Variants in PFKFB3 observed in about 807,000 individuals in gnomAD.
PFKFB3 encodes the protein 6-phosphofructo-2-kinase/fructose-2,6-bisphosphatase 3.
PFKFB3 carries 33 observed loss-of-function variants against 68.0 expected under a neutral mutation model. The ratio of observed to expected loss-of-function variants is 0.49; its 90% confidence interval spans 0.37 to 0.65. The LOEUF (loss-of-function observed/expected upper bound fraction) is 0.65. Among genes scored for constraint, PFKFB3 ranks in the 30% least tolerant of loss-of-function variants. The probability of loss-of-function intolerance (pLI) is 0.00; values close to 1 mark genes in which losing one functional copy is unlikely to be tolerated. For missense variants in PFKFB3, 586 were observed against 712.2 expected (o/e 0.82, Z 2.02); for synonymous variants, 315 against 288.2 (o/e 1.09, Z -0.94).
chr10:6,247,004 A>G (rs769948567), intron 14 of PFKFB3, among the ~76,000 whole-genome samples: 7 of 152,366 alleles, frequency 4.6e-5, no homozygotes, highest in Non-Finnish European at 1.0e-4. Flanking sequence ...AGACCCGGAC[A>G]TGCAACAAGT....
At chr10:6,237,101 C>T (rs910933262), downstream of PFKFB3, among the ~76,000 whole-genome samples, 2 of 152,250 alleles carry the variant, frequency 1.3e-5, no homozygotes, top group Non-Finnish European at 2.9e-5. Flanking sequence ...CCGCTCCCTC[C>T]CCTGGGAGGT....
chr10:6,311,327 C>A, the PFKFB3 span, among the ~76,000 whole-genome samples: 7 of 152,330 alleles, frequency 4.6e-5, no homozygotes, highest in East Asian at 1.2e-3. Flanking sequence ...ACCAAAAGCA[C>A]TCCTCTGATC....
At chr10:6,179,528 C>G (rs548712544) in intron 1 of PFKFB3, among the ~76,000 whole-genome samples, 1 of 152,126 alleles carries the variant, frequency 6.6e-6, no homozygotes, top group African/African-American at 2.4e-5. Flanking sequence ...CCTAGCGAGC[C>G]CCCCGGGAAT....
the PFKFB3 span, among the ~76,000 whole-genome samples, chr10:6,311,582 A>G: frequency 1.3e-5 from 2 of 151,804 alleles, no homozygotes; most frequent in Non-Finnish European, 2.9e-5. Flanking sequence ...AACCCCGTCT[A>G]TACTAAAAAT....
chr10:6,313,581 CG>C, the PFKFB3 span, among the ~76,000 whole-genome samples: 1 of 152,206 alleles, frequency 6.6e-6, no homozygotes, highest in Non-Finnish European at 1.5e-5. This position sits in a 1 kb window ranked among gnomAD's most constrained non-coding sequence, Gnocchi z 4.2. Context: ...CCTAAATGAT[CG>C]GTTTTAATTT....
intron 1 of PFKFB3, among the ~76,000 whole-genome samples, chr10:6,206,429 G>A (rs1231707919): frequency 9.5e-6 from 1 of 104,800 alleles, no homozygotes; most frequent in African/African-American, 3.8e-5. Flanking sequence ...CCACAAAACC[G>A]CCATTGTCGT....
Position 6,146,437 on chromosome 10 carries a change from T to A in PFKFB3, c.16+1424T>A, listed in dbSNP as rs1437040121. ...CAGCAAGCAGGGGCTCTGCCACTCC[T>A]CTGTCAGCTGGACACGTTTAGTCCC... is the stretch of plus-strand genomic sequence containing the variant. On this transcript the variant is annotated intron_variant, in intron 1 of 14. Transcript: ENST00000379789. The A allele has an allele frequency of 2.6e-6, 4 of 1,535,522 alleles. No individual in the cohort carries two copies. In the Admixed American group the frequency reaches 5.9e-5, roughly 23 times the overall value.
intron 13 of PFKFB3, 151 bp from the exon 14 acceptor site, chr10:6,226,041 C>T (rs1845324553): frequency 1.5e-6 from 1 of 651,516 alleles, no homozygotes; most frequent in Non-Finnish European, 2.7e-6. Context: ...ACTCAGCAGC[C>T]CATGGTCCCT....
At chr10:6,301,924 T>TC in the PFKFB3 span, among the ~76,000 whole-genome samples, 4 of 152,198 alleles carry the variant, frequency 2.6e-5, no homozygotes, top group African/African-American at 9.7e-5. Flanking sequence ...CCTCGTAAGT[T>TC]CCCCACCACA....
chr10:6,311,020 A>G, the PFKFB3 span, among the ~76,000 whole-genome samples: 1 of 152,186 alleles, frequency 6.6e-6, no homozygotes, highest in African/African-American at 2.4e-5. Context: ...AACCCATGGA[A>G]TTTCATCTTC....
At position 6,229,161 on chromosome 10, in the gene PFKFB3, T is replaced by G; in HGVS notation, c.1515+2796T>G. 1 of 529,404 alleles carries G rather than the reference T, an allele frequency of 1.9e-6. No homozygotes were observed. 32.8% of individuals were successfully genotyped at this position (529,404 alleles called of 1,614,324 possible). A position where few individuals can be genotyped will look rare whatever the true frequency, so the allele number is the denominator to read the frequency against. On this transcript the variant is annotated intron_variant, in intron 14 of 14. Coordinates refer to ENST00000379775, the MANE Select transcript of PFKFB3 (RefSeq NM_004566.4). The surrounding 1 kb of genome is among the most constrained non-coding windows in gnomAD (Gnocchi z 4.3). ...AGCCTGAGATGCTGAAAAGAATGACTGGCTTTGGAAATGGGAGAGGTTTGG... is the reference window on the plus strand; with the variant it reads ...AGCCTGAGATGCTGAAAAGAATGACGGGCTTTGGAAATGGGAGAGGTTTGG...
intron 1 of PFKFB3, among the ~76,000 whole-genome samples, chr10:6,168,385 T>C (rs1842202480): frequency 6.6e-6 from 1 of 152,192 alleles, no homozygotes; most frequent in African/African-American, 2.4e-5. Flanking sequence ...CCTTCCTGGG[T>C]TCTGATGCCA....
downstream of PFKFB3, among the ~76,000 whole-genome samples, chr10:6,238,500 AAAG>A (rs1333152808): frequency 6.6e-6 from 1 of 151,118 alleles, no homozygotes; most frequent in Non-Finnish European, 1.5e-5. Flanking sequence ...AAAAAAAAAA[AAAG>A]ATGTGAAGGA....
chr10:6,226,385 C>T lies in PFKFB3; in HGVS notation c.1515+20C>T. ...GGACAAGTCAGTGCACTCCCCTTTC[C>T]TTCCTGCCTGGGGGACGCATGCCGG... On this transcript the variant is annotated intron_variant, in intron 14 of 14. Transcript: ENST00000379775. 6.3e-7 allele frequency: 1 copy of T among 1,586,338 alleles called. No individual in the cohort carries two copies. The highest frequency in any genetic ancestry group is 8.6e-7 in the Non-Finnish European group (1 of 1,166,884).
rs1365140568 is a variant in PFKFB3 at position 6,178,657 on chromosome 10, G to C, written c.16+33644G>C. 7.2e-5 allele frequency among the ~76,000 whole-genome samples: 11 copies of C among 152,338 alleles called. No individual in the cohort carries two copies. In the South Asian group the frequency reaches 1.9e-3, roughly 26 times the overall value. ...GTGGAGATGACTGGGGAGCAGCTGGGCGTTATTTTCCCCGGGGCCAGGGTG... is the reference window on the plus strand; with the variant it reads ...GTGGAGATGACTGGGGAGCAGCTGGCCGTTATTTTCCCCGGGGCCAGGGTG... On this transcript the variant is annotated intron_variant, in intron 1 of 14. Coordinates refer to the PFKFB3 transcript ENST00000379789.
At chr10:6,218,577 C>T (rs540083616) in intron 6 of PFKFB3, among the ~76,000 whole-genome samples, 16 of 151,988 alleles carry the variant, frequency 1.1e-4, no homozygotes, top group Admixed American at 3.3e-4. Flanking sequence ...TACAGGTGTG[C>T]GCCACCACGC....
chr10:6,154,135 G>C lies in PFKFB3; in HGVS notation c.16+9122G>C, dbSNP rs1841691889. 6.6e-6 allele frequency among the ~76,000 whole-genome samples: 1 copy of C among 152,192 alleles called. No homozygotes were observed. Among genetic ancestry groups the C allele is most frequent in the South Asian group, 2.1e-4 (1 of 4,836 alleles). The stretch of plus-strand genomic sequence containing the variant: ...GGAAGCCAGGTGGACACAGGCTTAG[G>C]AAGGGAGTGGCGGCTCAGCACGTCC... On this transcript the variant is annotated intron_variant, in intron 1 of 14. Transcript: ENST00000379789. The surrounding 1 kb of genome is among the most constrained non-coding windows in gnomAD (Gnocchi z 4.6).
intron 14 of PFKFB3, among the ~76,000 whole-genome samples, chr10:6,249,225 T>A (rs1846325881): frequency 6.6e-6 from 1 of 150,458 alleles, no homozygotes. Flanking sequence ...GAAACCCTTG[T>A]ACACTGTTGG....
the PFKFB3 span, among the ~76,000 whole-genome samples, chr10:6,281,056 T>C: frequency 6.6e-6 from 1 of 150,690 alleles, no homozygotes; most frequent in Non-Finnish European, 1.5e-5. Flanking sequence ...CATGCGATGT[T>C]TGGTTTTCCA....
Sources: allele counts gnomAD v4.1 joint callset (sites outside exome capture counted in the v4.1 genomes callset), GRCh38; gene constraint gnomAD v4.1.1; non-coding constraint Gnocchi (gnomAD v3.1); transcripts MANE v1.5; gene names NCBI Gene and HGNC (gene_info 2026-07-23, HGNC 2026-07-21).